CHD2: variants seen among roughly 807,000 people sequenced by gnomAD.
The protein encoded by CHD2 is chromodomain helicase DNA binding protein 2, also known as ATP-dependent chromatin remodeler CHD2.
In CHD2, 28 loss-of-function variants were observed where a neutral mutation model predicts 243.9. The observed-to-expected ratio is 0.11, with a 90% CI of 0.09 to 0.16. CHD2 has a LOEUF of 0.16. Ranked by LOEUF, CHD2 falls within the 10% of genes least tolerant of loss-of-function variation. The pLI is 1.00. For synonymous variants in CHD2, 775 were observed against 779.0 expected (o/e 0.99, Z 0.09); for missense variants, 1,386 against 2,209.8 (o/e 0.63, Z 7.47).
chr15:93,001,683 G>A (rs779882967), intron 32 of CHD2, among the ~76,000 whole-genome samples: 14 of 151,866 alleles, frequency 9.2e-5, no homozygotes, highest in Non-Finnish European at 1.8e-4. Context: ...CACCTGGCTA[G>A]TTTTTGTATT....
rs79768810 is a variant in CHD2 at position 92,995,776 on chromosome 15, G to T, written c.3596-1181G>T. 2.9e-3 allele frequency among the ~76,000 whole-genome samples: 448 copies of T among 152,272 alleles called. 2 individuals carry two copies. The highest frequency in any genetic ancestry group is 0.019 in the East Asian group (99 of 5,184). On this transcript the variant is annotated intron_variant, in intron 28 of 38. Coordinates refer to ENST00000394196, the MANE Select transcript of CHD2 (RefSeq NM_001271.4). ...AGCATATCTTTGGGATAAATTTCTA[G>T]AAGTGGGATTGCTGGGTCCTGGGAA... is the stretch of plus-strand genomic sequence containing the variant.
chr15:92,906,675 T>C (rs1173098619), intron 2 of CHD2, among the ~76,000 whole-genome samples: 1 of 151,838 alleles, frequency 6.6e-6, no homozygotes, highest in Non-Finnish European at 1.5e-5. Context: ...TTTTTTTTTT[T>C]TTTTTTTTTA....
chr15:92,998,431 C>CT lies in CHD2; in HGVS notation c.3886-67dup. The stretch of plus-strand genomic sequence containing the variant: ...GGACTGTGCTCAGTTTTTGTTGTCT[C>CT]TGTTTATCCTGATCCACTAACCAGG... On this transcript the variant is annotated intron_variant, in intron 30 of 38. Coordinates refer to ENST00000394196, the MANE Select transcript of CHD2 (RefSeq NM_001271.4). The surrounding 1 kb of genome is among the most constrained non-coding windows in gnomAD (Gnocchi z 5.1). 6.2e-7 allele frequency: 1 copy of CT among 1,600,640 alleles called. No homozygotes were observed. The highest frequency in any genetic ancestry group is 8.5e-7 in the Non-Finnish European group (1 of 1,172,080).
At chr15:92,953,807 T>C in intron 14 of CHD2, 1 of 507,484 alleles carries the variant, frequency 2.0e-6, no homozygotes, top group Non-Finnish European at 3.5e-6. Flanking sequence ...CTCTTTTAGC[T>C]GGGTTGCAAT....
At chr15:93,004,319 T>G (rs2054293689) in intron 33 of CHD2, among the ~76,000 whole-genome samples, 1 of 152,098 alleles carries the variant, frequency 6.6e-6, no homozygotes, top group African/African-American at 2.4e-5. Flanking sequence ...AAGCTTAACC[T>G]CTTGATGACA....
intron 38 of CHD2, chr15:93,021,755 C>G (rs1403676267): frequency 2.6e-5 from 4 of 152,172 alleles, no homozygotes; most frequent in Non-Finnish European, 5.9e-5. Context: ...AAACCTGGAA[C>G]ACAGATATAA....
chr15:92,917,940 G>A (rs993405194), intron 2 of CHD2, among the ~76,000 whole-genome samples: 10 of 152,214 alleles, frequency 6.6e-5, no homozygotes, highest in African/African-American at 2.4e-4. Context: ...TGGAATTCCA[G>A]TGTAGATTGC....
intron 37 of CHD2, 40 bp from the exon 38 acceptor site, chr15:93,019,972 A>T: frequency 7.0e-6 from 11 of 1,564,618 alleles, no homozygotes; most frequent in Middle Eastern, 1.7e-4. Context: ...AAATTCATCC[A>T]TTTCTTGCAG....
intron 2 of CHD2, among the ~76,000 whole-genome samples, chr15:92,921,044 A>G (rs1384473313): frequency 6.6e-6 from 1 of 151,724 alleles, no homozygotes; most frequent in African/African-American, 2.4e-5. Flanking sequence ...CCAGCAGGGC[A>G]TGGTAATTGA....
At chr15:93,006,102 T>C (rs958555581) in intron 34 of CHD2, among the ~76,000 whole-genome samples, 8 of 151,514 alleles carry the variant, frequency 5.3e-5, no homozygotes, top group African/African-American at 1.7e-4. Context: ...TCTCAACCTA[T>C]GCTTTTTCTG....
At chr15:93,004,542 A>C (rs946844295) in intron 33 of CHD2, 75 bp from the exon 34 acceptor site, 2 of 1,403,062 alleles carry the variant, frequency 1.4e-6, no homozygotes, top group Admixed American at 2.2e-5. Context: ...TAATAACACA[A>C]CATAGGTAAG....
At chr15:92,912,766 C>T (rs1415799034) in intron 2 of CHD2, among the ~76,000 whole-genome samples, 2 of 151,622 alleles carry the variant, frequency 1.3e-5, no homozygotes, top group Non-Finnish European at 2.9e-5. Context: ...AAACTCCTGA[C>T]CTCGTGATCC....
intron 16 of CHD2, among the ~76,000 whole-genome samples, chr15:92,959,638 C>T (rs1285539616): frequency 6.6e-6 from 1 of 152,084 alleles, no homozygotes; most frequent in East Asian, 1.9e-4. Context: ...ATTACAGGCA[C>T]GCACCACCAT....
intron 5 of CHD2, among the ~76,000 whole-genome samples, chr15:92,929,493 A>G (rs528975815): frequency 6.6e-6 from 1 of 152,292 alleles, no homozygotes; most frequent in South Asian, 2.1e-4. Flanking sequence ...CTGAACATCC[A>G]TTTTGGTAAG....
rs900669371 is a variant in CHD2 at position 92,927,308 on chromosome 15, C to T, written c.359C>T (p.Ser120Leu). ...RRSNRSRQEP[S>L]RFNIKEEASS... is the part of the protein sequence containing the mutation. ...TCAAACCGAAGCAGACAAGAACCATCGCGATTTAATATTAAGGAAGAGGTA... is the reference window on the plus strand; with the variant it reads ...TCAAACCGAAGCAGACAAGAACCATTGCGATTTAATATTAAGGAAGAGGTA... Residue 120 changes from serine to leucine, a missense_variant, in exon 4 of 39, where the codon TCG becomes TTG. Around this residue, in one of 19 missense-constraint regions of CHD2, gnomAD observed 16 missense variants for 76.0 expected, o/e 0.21. Transcript: ENST00000394196. 29 of 1,613,266 alleles carry T rather than the reference C, an allele frequency of 1.8e-5. No individual in the cohort carries two copies. The highest frequency in any genetic ancestry group is 4.4e-5 in the South Asian group (4 of 91,034).
intron 26 of CHD2, among the ~76,000 whole-genome samples, chr15:92,986,631 G>C (rs1266698772): frequency 6.6e-6 from 1 of 152,142 alleles, no homozygotes; most frequent in Non-Finnish European, 1.5e-5. Context: ...ATTTTGAGAA[G>C]AATGTGTTTT....
chr15:92,905,963 C>T (rs1331175220), intron 2 of CHD2, among the ~76,000 whole-genome samples: 1 of 152,152 alleles, frequency 6.6e-6, no homozygotes, highest in Non-Finnish European at 1.5e-5. Flanking sequence ...GAATACCTTT[C>T]AATTCCTAAA....
intron 9 of CHD2, 41 bp from the exon 10 acceptor site, chr15:92,944,374 C>A: frequency 8.3e-7 from 1 of 1,202,118 alleles, no homozygotes; most frequent in Non-Finnish European, 1.2e-6. Flanking sequence ...GATCCCCAGA[C>A]TTTAGTTTAT....
rs1441816340 is a variant in CHD2, at chr15:92,967,361, G to A, written c.2037G>A (p.Gly679=). 3 of 1,611,988 alleles carry A rather than the reference G, an allele frequency of 1.9e-6. No individual in the cohort carries two copies. The highest frequency in any genetic ancestry group is 2.5e-6 in the Non-Finnish European group (3 of 1,178,710). ...EFWEDFEEDH[G]KGRENGYQSL... ...GGGAAGATTTTGAAGAAGACCATGGGAAGGGGAGAGAAAATGGCTACCAGA... is the reference window on the plus strand; with the variant it reads ...GGGAAGATTTTGAAGAAGACCATGGAAAGGGGAGAGAAAATGGCTACCAGA... The change falls in exon 17 of 39, where the codon GGG becomes GGA. Residue 679 remains glycine (G), a synonymous_variant. Coordinates refer to ENST00000394196, the MANE Select transcript of CHD2 (RefSeq NM_001271.4).
Sources: allele counts gnomAD v4.1 joint callset (sites outside exome capture counted in the v4.1 genomes callset), GRCh38; gene constraint gnomAD v4.1.1; regional missense constraint gnomAD v4.1.1; non-coding constraint Gnocchi (gnomAD v3.1); transcripts MANE v1.5; gene names NCBI Gene and HGNC (gene_info 2026-07-23, HGNC 2026-07-21).